The following RGS6 variants were observed in gnomAD, a reference collection of about 807,000 sequenced individuals.
RGS6 encodes regulator of G-protein signaling 6.
Under a neutral mutation model 78.5 loss-of-function variants are expected in RGS6, and 30 were observed. The ratio of observed to expected loss-of-function variants is 0.38; its 90% CI spans 0.29 to 0.52. The LOEUF is 0.52. Ranked by LOEUF, RGS6 falls within the 20% of genes least tolerant of loss-of-function variation. The pLI is 0.85. For synonymous variants in RGS6, 206 were observed against 206.0 expected, an observed-to-expected ratio of 1.00 and a Z score of 0.00; for missense variants, 495 against 609.7, an observed-to-expected ratio of 0.81 and a Z score of 1.98.
At chr14:72,171,176 A>G (rs1310706947) in intron 2 of RGS6, among the ~76,000 whole-genome samples, 1 of 151,578 alleles carries the variant, frequency 6.6e-6, no homozygotes, top group Non-Finnish European at 1.5e-5. Context: ...GCTGAGGAGG[A>G]AAAAAAAGCT....
At chr14:72,297,990 TTTATATC>T (rs956659721) in intron 2 of RGS6, among the ~76,000 whole-genome samples, 1 of 152,126 alleles carries the variant, frequency 6.6e-6, no homozygotes, top group Non-Finnish European at 1.5e-5. Flanking sequence ...TTTTAGTTTA[TTTATATC>T]TTTGATTAAT....
intron 2 of RGS6, among the ~76,000 whole-genome samples, chr14:72,113,739 T>G (rs1177642085): frequency 6.6e-6 from 1 of 152,204 alleles, no homozygotes; most frequent in Non-Finnish European, 1.5e-5. Context: ...GGGGGATAGA[T>G]GGTGCATGTC....
chr14:72,089,750 A>G (rs544353779), intron 2 of RGS6, among the ~76,000 whole-genome samples: 1 of 152,360 alleles, frequency 6.6e-6, no homozygotes, highest in East Asian at 1.9e-4. Context: ...CAGAATGAAA[A>G]GGATGATTCA....
At chr14:72,580,659 T>C in the RGS6 span, among the ~76,000 whole-genome samples, 3 of 152,240 alleles carry the variant, frequency 2.0e-5, no homozygotes, top group African/African-American at 7.2e-5. Context: ...ATTAGCCAAA[T>C]GCAGGTGGAG....
At chr14:72,124,001 C>T (rs550520655) in intron 2 of RGS6, among the ~76,000 whole-genome samples, 4 of 152,222 alleles carry the variant, frequency 2.6e-5, no homozygotes, top group East Asian at 1.9e-4. Flanking sequence ...ACAGAGTATT[C>T]GAAGTCACAG....
chr14:72,471,138 C>T (rs946894947), intron 8 of RGS6, among the ~76,000 whole-genome samples: 3 of 151,496 alleles, frequency 2.0e-5, no homozygotes, highest in African/African-American at 7.4e-5. Flanking sequence ...TCTTTCAAGT[C>T]TACCAATTAG....
At chr14:72,410,377 T>C (rs969552921) in intron 3 of RGS6, among the ~76,000 whole-genome samples, 9 of 152,270 alleles carry the variant, frequency 5.9e-5, no homozygotes, top group African/African-American at 2.2e-4. Flanking sequence ...TTTTGAGAAG[T>C]GTCTGTTCAT....
intron 6 of RGS6, among the ~76,000 whole-genome samples, chr14:72,463,290 G>T (rs1714054091): frequency 6.6e-6 from 1 of 152,212 alleles, no homozygotes; most frequent in Admixed American, 6.5e-5. Flanking sequence ...TGTAGGGCTG[G>T]CTATTGTCAC....
chr14:72,459,951 G>A (rs1323937221), intron 6 of RGS6, among the ~76,000 whole-genome samples: 1 of 152,096 alleles, frequency 6.6e-6, no homozygotes, highest in Non-Finnish European at 1.5e-5. Context: ...GTTCATCTTG[G>A]GGCCATGGAG....
At chr14:72,337,686 C>T (rs1381617027) in intron 2 of RGS6, among the ~76,000 whole-genome samples, 1 of 152,210 alleles carries the variant, frequency 6.6e-6, no homozygotes, top group Non-Finnish European at 1.5e-5. Context: ...CTTACACTTG[C>T]TCATCCTCCT....
intron 2 of RGS6, among the ~76,000 whole-genome samples, chr14:72,229,721 G>A (rs1015292906): frequency 6.6e-6 from 1 of 152,214 alleles, no homozygotes; most frequent in Non-Finnish European, 1.5e-5. Flanking sequence ...GAGTTGGGAA[G>A]TCCAGGGATA....
chr14:72,293,194 G>A (rs572754497), intron 2 of RGS6, among the ~76,000 whole-genome samples: 16 of 152,276 alleles, frequency 1.1e-4, no homozygotes, highest in South Asian at 6.2e-4. Flanking sequence ...GGGTATTCCC[G>A]TCAGAACCTC....
the RGS6 span, among the ~76,000 whole-genome samples, chr14:72,604,264 G>T: frequency 6.6e-6 from 1 of 152,160 alleles, no homozygotes; most frequent in Non-Finnish European, 1.5e-5. Flanking sequence ...CCTCAGCCCA[G>T]CATCCCTAGA....
intron 2 of RGS6, among the ~76,000 whole-genome samples, chr14:72,262,627 A>G (rs2238217): frequency 0.58 from 87,761 of 152,072 alleles, 25,902 homozygotes; most frequent in African/African-American, 0.69. Context: ...GAAGAAAGAG[A>G]TTCTTAAAAA....
the RGS6 span, among the ~76,000 whole-genome samples, chr14:72,595,860 C>T: frequency 3.3e-5 from 5 of 152,180 alleles, no homozygotes; most frequent in Non-Finnish European, 5.9e-5. Context: ...TCCGCCCATT[C>T]GCGCTGCTTA....
Position 72,120,014 on chromosome 14 carries a change from A to G in RGS6, c.84+155139A>G, listed in dbSNP as rs139507394. Among the ~76,000 whole-genome samples the G allele has an allele frequency of 7.0e-3, 1,064 of 152,308 alleles. 34 individuals carry two copies. Among genetic ancestry groups the G allele is most frequent in the Admixed American group, 0.061 (925 of 15,284 alleles). On this transcript the variant is annotated intron_variant, in intron 2 of 17. Coordinates refer to ENST00000553525, the MANE Select transcript of RGS6 (RefSeq NM_001204424.2). ...CTGGAGCTGCGGAGGAAGTAGATGTATTGGAGATTGTCCTTGAAAGTATCC... is the reference window on the plus strand; with the variant it reads ...CTGGAGCTGCGGAGGAAGTAGATGTGTTGGAGATTGTCCTTGAAAGTATCC...
At chr14:72,290,578 C>T (rs940811553) in intron 2 of RGS6, among the ~76,000 whole-genome samples, 1 of 152,140 alleles carries the variant, frequency 6.6e-6, no homozygotes, top group Non-Finnish European at 1.5e-5. Flanking sequence ...CATGGGACCC[C>T]CTTCTTCTAG....
intron 2 of RGS6, among the ~76,000 whole-genome samples, chr14:72,167,673 G>A (rs1471413233): frequency 6.6e-6 from 1 of 151,716 alleles, no homozygotes; most frequent in Non-Finnish European, 1.5e-5. Flanking sequence ...AAAGCTTTAG[G>A]GCATAACATA....
In RGS6 at chr14:72,341,138, G is replaced by A. The variant is rs1448783797; in HGVS notation, c.85-10957G>A. Among the ~76,000 whole-genome samples the A allele has an allele frequency of 2.6e-5, 4 of 152,054 alleles. No individual in the cohort carries two copies. In the South Asian group the frequency reaches 6.2e-4, roughly 24 times the overall value. On this transcript the variant is annotated intron_variant, in intron 2 of 17. Transcript: ENST00000553525. ...TAAAGAAAAGAGGTTTAATTGACTT[G>A]CAGTTCCACAGGCCGTACAGGAAGC...
Sources: gnomAD v4.1 joint callset for allele counts (sites outside exome capture counted in the v4.1 genomes callset) on GRCh38, gnomAD v4.1.1 for gene constraint, MANE v1.5 for transcripts, NCBI Gene and HGNC (gene_info 2026-07-23, HGNC 2026-07-21) for gene names.